The following PPP1R13B variants were observed in gnomAD, a reference collection of about 807,000 sequenced individuals.
The protein encoded by PPP1R13B is protein phosphatase 1 regulatory subunit 13B, also known as apoptosis-stimulating of p53 protein 1.
A neutral mutation model predicts 119.8 loss-of-function variants in PPP1R13B; 44 were observed. The ratio of observed to expected loss-of-function variants is 0.37; its 90% CI spans 0.29 to 0.47. The LOEUF is 0.47. Ranked by LOEUF, PPP1R13B falls within the 20% of genes least tolerant of loss-of-function variation. The probability of loss-of-function intolerance (pLI) is 0.99; values close to 1 mark genes in which losing one functional copy is unlikely to be tolerated. For synonymous variants in PPP1R13B, 542 were observed against 561.5 expected (o/e 0.97, Z 0.49); for missense variants, 1,227 against 1,413.5 (o/e 0.87, Z 2.12).
At chr14:103,795,282 G>A (rs1004682276) in intron 2 of PPP1R13B, among the ~76,000 whole-genome samples, 1 of 152,090 alleles carries the variant, frequency 6.6e-6, no homozygotes, top group Non-Finnish European at 1.5e-5. Flanking sequence ...AGAGCACAGG[G>A]ACACTAACAC....
chr14:103,825,543 G>T (rs1169358627), intron 1 of PPP1R13B, among the ~76,000 whole-genome samples: 1 of 152,214 alleles, frequency 6.6e-6, no homozygotes, highest in Non-Finnish European at 1.5e-5. Context: ...GAAAGTTTTA[G>T]TAGTCTGGAT....
At chr14:103,772,027 C>T (rs1205924219) in intron 4 of PPP1R13B, among the ~76,000 whole-genome samples, 1 of 152,184 alleles carries the variant, frequency 6.6e-6, no homozygotes, top group Admixed American at 6.6e-5. Flanking sequence ...CAGGCAAACA[C>T]TGACCTTCCC....
At chr14:103,763,476 C>G (rs74085012) in intron 4 of PPP1R13B, among the ~76,000 whole-genome samples, 234 of 151,756 alleles carry the variant, frequency 1.5e-3, no homozygotes, top group African/African-American at 5.4e-3. Flanking sequence ...TTATTTTAAC[C>G]TTTTCTTCAT....
At chr14:103,739,297 G>C (rs2084191568) in intron 12 of PPP1R13B, 2 of 444,242 alleles carry the variant, frequency 4.5e-6, no homozygotes, top group Admixed American at 7.3e-5. Context: ...CCACTCCTCG[G>C]AAGACTCTGT....
intron 1 of PPP1R13B, among the ~76,000 whole-genome samples, chr14:103,815,959 C>CT (rs1229738484): frequency 2.6e-5 from 4 of 151,396 alleles, no homozygotes; most frequent in African/African-American, 9.7e-5. Context: ...TGACGGGCAC[C>CT]TGCAGTCCCA....
At chr14:103,756,136 C>A (rs146587683) in intron 5 of PPP1R13B, among the ~76,000 whole-genome samples, 1,830 of 151,664 alleles carry the variant, frequency 0.012, 36 homozygotes, top group African/African-American at 0.041. Flanking sequence ...GCTCTGTCAC[C>A]CAGGCTGCAG....
At chr14:103,835,613 TTTA>T (rs1245104952) in intron 1 of PPP1R13B, among the ~76,000 whole-genome samples, 224 of 116,158 alleles carry the variant, frequency 1.9e-3, no homozygotes, top group Non-Finnish European at 2.3e-3. Flanking sequence ...TTTTTATTTA[TTTA>T]TTTTTTTTTT....
chr14:103,749,781 CTT>C lies in PPP1R13B; in HGVS notation c.969+11_969+12del, dbSNP rs1315791012. The C allele has an allele frequency of 6.2e-7, 1 of 1,608,352 alleles. No individual in the cohort carries two copies. The highest frequency in any genetic ancestry group is 8.5e-7 in the Non-Finnish European group (1 of 1,178,518). On this transcript the variant is annotated intron_variant, in intron 8 of 16. Transcript: ENST00000202556. ...TCTTTAGTAGTTTATCTCACAAAAA[CTT>C]TTTCACATGCCTGAATTTTTTTCCC...
intron 1 of PPP1R13B, among the ~76,000 whole-genome samples, chr14:103,845,457 G>T (rs969771557): frequency 1.3e-5 from 2 of 152,086 alleles, no homozygotes; most frequent in Non-Finnish European, 2.9e-5. Context: ...GTTTTAAACA[G>T]GTAATAGACC....
At chr14:103,826,936 C>T (rs377340720) in intron 1 of PPP1R13B, among the ~76,000 whole-genome samples, 2 of 151,554 alleles carry the variant, frequency 1.3e-5, no homozygotes, top group Non-Finnish European at 2.9e-5. Flanking sequence ...GGCATGAACC[C>T]GGGAGGCAGA....
At chr14:103,818,693 C>T (rs2086334670) in intron 1 of PPP1R13B, among the ~76,000 whole-genome samples, 1 of 152,090 alleles carries the variant, frequency 6.6e-6, no homozygotes, top group African/African-American at 2.4e-5. Flanking sequence ...GCCATGCTGA[C>T]TCAACTAAGA....
chr14:103,744,684 A>G (rs1384624216), intron 9 of PPP1R13B, among the ~76,000 whole-genome samples: 1 of 152,242 alleles, frequency 6.6e-6, no homozygotes, highest in Non-Finnish European at 1.5e-5. Flanking sequence ...GACACTGTCC[A>G]TGAGCTGGTC....
At chr14:103,814,993 C>T (rs2086245021) in intron 1 of PPP1R13B, among the ~76,000 whole-genome samples, 1 of 151,900 alleles carries the variant, frequency 6.6e-6, no homozygotes, top group South Asian at 2.1e-4. Flanking sequence ...TATGTAAAAA[C>T]TTGGAAATAT....
At chr14:103,812,026 C>T (rs1394878644) in intron 1 of PPP1R13B, among the ~76,000 whole-genome samples, 1 of 134,274 alleles carries the variant, frequency 7.4e-6, no homozygotes, top group African/African-American at 2.8e-5. Flanking sequence ...AGCCACTACA[C>T]TCCACCCTGG....
intron 2 of PPP1R13B, among the ~76,000 whole-genome samples, chr14:103,787,518 A>T (rs962203838): frequency 2.2e-4 from 30 of 136,190 alleles, no homozygotes; most frequent in African/African-American, 6.5e-4. Context: ...GCTGGCATAT[A>T]AAAAAAAAAA....
chr14:103,847,380 C>CTAA lies in PPP1R13B; in HGVS notation c.-74_-73insTTA, dbSNP rs2087076120. 1 of 1,106,314 alleles carries CTAA rather than the reference C, an allele frequency of 9.0e-7. No individual in the cohort carries two copies. Among genetic ancestry groups the CTAA allele is most frequent in the Non-Finnish European group, 1.1e-6 (1 of 905,328 alleles). The allele number at this position is 1,106,314 out of a possible 1,614,324, so 68.5% of individuals were successfully genotyped here. A position where few individuals can be genotyped will look rare whatever the true frequency, so the allele number is the denominator to read the frequency against. On this transcript the variant is annotated 5_prime_UTR_variant, in exon 1 of 17. Transcript: ENST00000202556. ...CCGCGCCGAGCTGTGCCCACCGCTC[C>CTAA]GGCCGCCTCCTAAGGCCGCGCTCCC... is the stretch of plus-strand genomic sequence containing the variant.
At chr14:103,822,401 C>T (rs181802732) in intron 1 of PPP1R13B, among the ~76,000 whole-genome samples, 350 of 152,158 alleles carry the variant, frequency 2.3e-3, no homozygotes, top group African/African-American at 8.0e-3. Context: ...TCCCAAAGTG[C>T]TGGGATTAGA....
At chr14:103,841,924 T>G (rs998833876) in intron 1 of PPP1R13B, among the ~76,000 whole-genome samples, 1 of 152,176 alleles carries the variant, frequency 6.6e-6, no homozygotes, top group Non-Finnish European at 1.5e-5. Context: ...CCACCTCATT[T>G]TACAGATGAG....
intron 4 of PPP1R13B, among the ~76,000 whole-genome samples, chr14:103,766,780 G>A (rs1010362870): frequency 6.6e-6 from 1 of 151,944 alleles, no homozygotes; most frequent in Admixed American, 6.6e-5. Flanking sequence ...GCTAATTTTT[G>A]TATTTTTAGT....
Sources: allele counts gnomAD v4.1 joint callset (sites outside exome capture counted in the v4.1 genomes callset), GRCh38; gene constraint gnomAD v4.1.1; transcripts MANE v1.5; gene names NCBI Gene and HGNC (gene_info 2026-07-23, HGNC 2026-07-21).